Variants in WWC2 observed in about 807,000 individuals in gnomAD.
The protein encoded by WWC2 is WW and C2 domain containing 2, also known as protein WWC2.
A neutral mutation model predicts 138.5 loss-of-function variants in WWC2; 101 were observed. That is an observed-to-expected ratio of 0.73 (90% CI 0.62 to 0.86). The LOEUF (loss-of-function observed/expected upper bound fraction) is 0.86, where lower values mean the gene tolerates loss of function less well. Ranked by LOEUF, WWC2 falls within the 40% of genes least tolerant of loss-of-function variation. The pLI, the probability that WWC2 is intolerant of heterozygous loss-of-function variation, is 0.00. For synonymous variants in WWC2, 558 were observed against 538.4 expected (o/e 1.04, Z -0.50); for missense variants, 1,420 against 1,419.4 (o/e 1.00, Z -0.01).
At chr4:183,132,553 A>G (rs953775171) in intron 1 of WWC2, among the ~76,000 whole-genome samples, 2 of 151,130 alleles carry the variant, frequency 1.3e-5, no homozygotes, top group African/African-American at 2.4e-5. Context: ...TCCCGGGTTC[A>G]CGCCATTCTC....
chr4:183,243,879 A>C (rs1376988716), intron 5 of WWC2, among the ~76,000 whole-genome samples: 1 of 151,284 alleles, frequency 6.6e-6, no homozygotes, highest in Non-Finnish European at 1.5e-5. Flanking sequence ...AGGTTCTTGA[A>C]GTCTTTAATT....
At chr4:183,148,912 T>C (rs1385402987) in intron 1 of WWC2, among the ~76,000 whole-genome samples, 3 of 152,048 alleles carry the variant, frequency 2.0e-5, no homozygotes, top group African/African-American at 7.3e-5. Flanking sequence ...GAATTTTGAC[T>C]TTTTAAAGTA....
Position 183,179,735 on chromosome 4 carries a change from A to T in WWC2, c.132-13864A>T, listed in dbSNP as rs553880995. Reference sequence around the variant, plus strand: ...TTTTTATGAGTTGTTTGATGTGGCCATTAGATACCCTGCTATGGAATGATC... The same window carrying T: ...TTTTTATGAGTTGTTTGATGTGGCCTTTAGATACCCTGCTATGGAATGATC... On this transcript the variant is annotated intron_variant, in intron 1 of 22. Transcript: ENST00000403733. Among the ~76,000 whole-genome samples, 4 of 152,232 alleles carry T rather than the reference A, an allele frequency of 2.6e-5. No homozygotes were observed. The South Asian group carries it at 8.3e-4, about 32-fold the overall frequency.
chr4:183,293,080 G>A (rs1464489757), intron 21 of WWC2, among the ~76,000 whole-genome samples: 3 of 152,150 alleles, frequency 2.0e-5, no homozygotes, highest in Non-Finnish European at 4.4e-5. Context: ...CTCAGCTGGA[G>A]AGTAGCTGGG....
intron 2 of WWC2, among the ~76,000 whole-genome samples, chr4:183,193,922 G>A (rs1392295548): frequency 1.3e-5 from 2 of 152,156 alleles, no homozygotes; most frequent in Non-Finnish European, 2.9e-5. Flanking sequence ...TATCTGGCCC[G>A]TGTGCCTGCC....
Position 183,099,372 on chromosome 4 carries a change from C to T in WWC2, c.-120C>T, listed in dbSNP as rs965460461. 5.6e-5 allele frequency: 59 copies of T among 1,057,066 alleles called. 1 individual carries two copies. In the South Asian group the frequency reaches 2.5e-3, roughly 45 times the overall value. The allele number at this position is 1,057,066 out of a possible 1,614,324, so 65.5% of individuals were successfully genotyped here. ...TTCCGCCGCGCCCCGCGCCCTGCGC[C>T]CCTCAGCCCCTCGCCGGCGCCCGCG... On this transcript the variant is annotated 5_prime_UTR_variant, in exon 1 of 23. Transcript: ENST00000403733.
chr4:183,145,138 G>A (rs1031250810), intron 1 of WWC2, among the ~76,000 whole-genome samples: 5 of 152,146 alleles, frequency 3.3e-5, no homozygotes, highest in African/African-American at 9.7e-5. Context: ...TTTAATTTTG[G>A]CACTGTAGAT....
intron 4 of WWC2, among the ~76,000 whole-genome samples, chr4:183,218,562 A>C (rs1735823144): frequency 6.6e-6 from 1 of 152,216 alleles, no homozygotes; most frequent in Non-Finnish European, 1.5e-5. Flanking sequence ...GGCTGACACA[A>C]TTATGGAAAC....
At chr4:183,245,595 C>A in intron 6 of WWC2, 50 bp downstream of exon 6, 1 of 1,494,782 alleles carries the variant, frequency 6.7e-7, no homozygotes, top group Non-Finnish European at 8.9e-7. Flanking sequence ...TCTGAGGCCC[C>A]CAGAAACTCT....
chr4:183,193,574 G>A lies in WWC2; in HGVS notation c.132-25G>A, dbSNP rs369456412. The stretch of plus-strand genomic sequence containing the variant: ...TGCGGTTTGACGGAAAGAATCACTG[G>A]TGTGTCAATTCTGGTTTGTTGTAGG... On this transcript the variant is annotated intron_variant, in intron 1 of 22. Transcript: ENST00000403733. 1.2e-5 allele frequency: 20 copies of A among 1,602,308 alleles called. No individual in the cohort carries two copies. The African/African-American group carries it at 2.4e-4, about 19-fold the overall frequency.
intron 1 of WWC2, among the ~76,000 whole-genome samples, chr4:183,181,866 G>T (rs1484710317): frequency 6.6e-6 from 1 of 152,074 alleles, no homozygotes; most frequent in Non-Finnish European, 1.5e-5. Context: ...GTGAAGCAAG[G>T]ACTTTAATAA....
In WWC2 at chr4:183,317,271, C is replaced by G. The variant is rs899353564; in HGVS notation, c.*1542C>G. On this transcript the variant is annotated 3_prime_UTR_variant, in exon 23 of 23. Transcript: ENST00000403733. ...GCAATTATATATATTTTGGAAAGTTCATGTTATTGGAATTGAAGTTCAAAT... is the reference window on the plus strand; with the variant it reads ...GCAATTATATATATTTTGGAAAGTTGATGTTATTGGAATTGAAGTTCAAAT... The G allele has an allele frequency of 3.3e-5, 5 of 151,890 alleles. No individual in the cohort carries two copies. The highest frequency in any genetic ancestry group is 4.4e-5 in the Non-Finnish European group (3 of 67,982). 9.4% of individuals were successfully genotyped at this position (151,890 alleles called of 1,614,324 possible). A position where few individuals can be genotyped will look rare whatever the true frequency, so the allele number is the denominator to read the frequency against.
chr4:183,132,088 T>C (rs1012867562), intron 1 of WWC2, among the ~76,000 whole-genome samples: 4 of 152,214 alleles, frequency 2.6e-5, no homozygotes, highest in Admixed American at 1.3e-4. Flanking sequence ...TTCAATATTA[T>C]AGTTTTATAA....
chr4:183,267,545 T>C (rs1027166980), intron 14 of WWC2, among the ~76,000 whole-genome samples: 3 of 152,186 alleles, frequency 2.0e-5, no homozygotes, highest in Admixed American at 6.5e-5. Context: ...AGGAGAAAAC[T>C]ACAGAACACC....
At chr4:183,173,073 G>A (rs1734340307) in intron 1 of WWC2, among the ~76,000 whole-genome samples, 1 of 151,260 alleles carries the variant, frequency 6.6e-6, no homozygotes, top group Non-Finnish European at 1.5e-5. Context: ...CACCCCACAG[G>A]GTGCTCTGTC....
In WWC2 at chr4:183,123,402, G is replaced by GGTGTGTGTGTGT. The variant is rs67158904; in HGVS notation, c.131+23801_131+23812dup. ...GTTTAGAGAAACACAGCAAGTTTCA[G>GGTGTGTGTGTGT]GTGTGTGTGTGTGTGTGTGTGTGTG... is the stretch of plus-strand genomic sequence containing the variant. On this transcript the variant is annotated intron_variant, in intron 1 of 22. Transcript: ENST00000403733. Among the ~76,000 whole-genome samples, 548 of 147,716 alleles carry GGTGTGTGTGTGT rather than the reference G, an allele frequency of 3.7e-3. 4 individuals are homozygous for GGTGTGTGTGTGT. Among genetic ancestry groups the GGTGTGTGTGTGT allele is most frequent in the South Asian group, 9.4e-3 (42 of 4,488 alleles).
At chr4:183,164,264 GCA>G (rs1561443507) in intron 1 of WWC2, among the ~76,000 whole-genome samples, 1 of 124,596 alleles carries the variant, frequency 8.0e-6, no homozygotes, top group African/African-American at 3.3e-5. Context: ...TTTGGTGTGC[GCA>G]TATATATATA....
intron 4 of WWC2, among the ~76,000 whole-genome samples, chr4:183,238,104 T>C (rs561005810): frequency 4.6e-5 from 7 of 152,306 alleles, no homozygotes; most frequent in Admixed American, 6.5e-5. Flanking sequence ...AGTCCACATA[T>C]TCTAGTTGCC....
chr4:183,279,618 G>T (rs1258659433), intron 16 of WWC2, among the ~76,000 whole-genome samples: 1 of 151,962 alleles, frequency 6.6e-6, no homozygotes. Context: ...GACTCTTTTT[G>T]GTTGGTAAGC....
Sources: gnomAD v4.1 joint callset for allele counts (sites outside exome capture counted in the v4.1 genomes callset) on GRCh38, gnomAD v4.1.1 for gene constraint, MANE v1.5 for transcripts, NCBI Gene and HGNC (gene_info 2026-07-23, HGNC 2026-07-21) for gene names.